The following ABHD17C variants were observed in gnomAD, a reference collection of about 807,000 sequenced individuals.
The protein encoded by ABHD17C is abhydrolase domain containing 17C, depalmitoylase.
ABHD17C carries 11 observed loss-of-function variants against 27.9 expected under a neutral mutation model. That is an observed-to-expected ratio of 0.39 (90% CI 0.25 to 0.65). The LOEUF (loss-of-function observed/expected upper bound fraction) is 0.65. Among genes scored for constraint, ABHD17C ranks in the 30% least tolerant of loss-of-function variants. The pLI is 0.45. For missense variants in ABHD17C, 280 were observed against 470.2 expected, an observed-to-expected ratio of 0.60 and a Z score of 3.74; for synonymous variants, 233 against 209.1, an observed-to-expected ratio of 1.11 and a Z score of -0.98.
intron 1 of ABHD17C, among the ~76,000 whole-genome samples, chr15:80,715,454 C>T (rs532731091): frequency 9.9e-5 from 15 of 152,178 alleles, no homozygotes; most frequent in African/African-American, 3.6e-4. Flanking sequence ...TTCTGTAAAG[C>T]GGGGAAATGA....
intron 1 of ABHD17C, among the ~76,000 whole-genome samples, chr15:80,705,333 T>TTG (rs1555421862): frequency 5.7e-4 from 61 of 106,888 alleles, no homozygotes; most frequent in Middle Eastern, 4.9e-3. Flanking sequence ...TTCCTATGAT[T>TTG]TGTGTGTGTG....
chr15:80,726,501 GTTTTTTTTTTTT>G lies in ABHD17C; in HGVS notation c.591-22995_591-22984del, dbSNP rs10572505. Among the ~76,000 whole-genome samples, 150 of 94,508 alleles carry G rather than the reference GTTTTTTTTTTTT, an allele frequency of 1.6e-3. 1 individual carries two copies. Among genetic ancestry groups the G allele is most frequent in the African/African-American group, 7.6e-3 (143 of 18,724 alleles). 62.0% of individuals were successfully genotyped at this position (94,508 alleles called of 152,430 possible). A position where few individuals can be genotyped will look rare whatever the true frequency, so the allele number is the denominator to read the frequency against. On this transcript the variant is annotated intron_variant, in intron 1 of 2. Coordinates refer to ENST00000258884, the MANE Select transcript of ABHD17C (RefSeq NM_021214.2). ...CCTTGGTTAATTGCTTCTTTTTCTG[GTTTTTTTTTTTT>G]TTTTTTTTTTTTTTTTGAGACGGAG... is the stretch of plus-strand genomic sequence containing the variant.
intron 1 of ABHD17C, among the ~76,000 whole-genome samples, chr15:80,740,716 G>A (rs1895197743): frequency 6.6e-6 from 1 of 152,116 alleles, no homozygotes; most frequent in Non-Finnish European, 1.5e-5. Flanking sequence ...TTCTACATAA[G>A]TCTGAGCTCT....
At chr15:80,726,353 C>T (rs1201010804) in intron 1 of ABHD17C, among the ~76,000 whole-genome samples, 1 of 152,142 alleles carries the variant, frequency 6.6e-6, no homozygotes, top group East Asian at 1.9e-4. Flanking sequence ...CAGTTTATGG[C>T]CAGATTTTGG....
chr15:80,731,330 G>GA (rs1453757446), intron 1 of ABHD17C, among the ~76,000 whole-genome samples: 1 of 152,228 alleles, frequency 6.6e-6, no homozygotes, highest in African/African-American at 2.4e-5. Flanking sequence ...TGTTAGAAGT[G>GA]ATGTTCCTCA....
chr15:80,724,457 C>T (rs550878504), intron 1 of ABHD17C, among the ~76,000 whole-genome samples: 11 of 152,134 alleles, frequency 7.2e-5, no homozygotes, highest in African/African-American at 2.2e-4. Context: ...GACTCAGGGT[C>T]GTCACTGTGG....
chr15:80,734,558 A>G (rs951640347), intron 1 of ABHD17C, among the ~76,000 whole-genome samples: 9 of 152,362 alleles, frequency 5.9e-5, no homozygotes, highest in African/African-American at 1.9e-4. Context: ...TTTTAGGACT[A>G]TAACTTTTCC....
intron 1 of ABHD17C, among the ~76,000 whole-genome samples, chr15:80,706,862 TGTC>T (rs1365844569): frequency 4.6e-5 from 7 of 152,254 alleles, no homozygotes; most frequent in Admixed American, 3.3e-4. Flanking sequence ...TTTTGATTGT[TGTC>T]GTGATGTTTA....
At chr15:80,721,359 T>C (rs1894895488) in intron 1 of ABHD17C, among the ~76,000 whole-genome samples, 1 of 152,002 alleles carries the variant, frequency 6.6e-6, no homozygotes, top group African/African-American at 2.4e-5. Flanking sequence ...CTGTGAAAGA[T>C]ACTTGGGTCT....
chr15:80,725,229 C>A (rs1228369964), intron 1 of ABHD17C, among the ~76,000 whole-genome samples: 1 of 152,138 alleles, frequency 6.6e-6, no homozygotes, highest in Non-Finnish European at 1.5e-5. Context: ...AACACTGAAC[C>A]CATAAATACA....
Position 80,695,900 on chromosome 15 carries a change from C to T in ABHD17C, c.471C>T (p.Ser157=), listed in dbSNP as rs1459431559. The T allele has an allele frequency of 2.5e-6, 4 of 1,597,392 alleles. No homozygotes were observed. The highest frequency in any genetic ancestry group is 1.1e-5 in the South Asian group (1 of 90,828). ...QMCSFYIGLG[S]RINCNIFSYD... is the part of the protein sequence containing the mutation. ...GCAGCTTCTACATTGGCCTCGGCTC[C>T]CGCATCAACTGCAACATCTTCTCCT... is the stretch of plus-strand genomic sequence containing the variant. The change falls in exon 1 of 3, where the codon TCC becomes TCT. Residue 157 remains serine (S), a synonymous_variant. Coordinates refer to ENST00000258884, the MANE Select transcript of ABHD17C (RefSeq NM_021214.2). This position sits in a 1 kb window ranked among gnomAD's most constrained non-coding sequence, Gnocchi z 4.3.
At chr15:80,715,919 G>GA (rs969064560) in intron 1 of ABHD17C, among the ~76,000 whole-genome samples, 39 of 149,864 alleles carry the variant, frequency 2.6e-4, no homozygotes, top group Admixed American at 2.2e-3. Flanking sequence ...TATTTGACCT[G>GA]AAAAAAAAAA....
intron 1 of ABHD17C, among the ~76,000 whole-genome samples, chr15:80,713,576 A>G (rs573665086): frequency 2.3e-4 from 35 of 151,856 alleles, no homozygotes; most frequent in Middle Eastern, 3.4e-3. Flanking sequence ...TTGGGAGGCC[A>G]AGGTGGGTGG....
At chr15:80,735,146 C>T (rs575568042) in intron 1 of ABHD17C, among the ~76,000 whole-genome samples, 1 of 152,308 alleles carries the variant, frequency 6.6e-6, no homozygotes, top group South Asian at 2.1e-4. Flanking sequence ...ACTGGTCTTT[C>T]TTAACATAGA....
chr15:80,698,814 C>A (rs191468596), intron 1 of ABHD17C, among the ~76,000 whole-genome samples: 32 of 152,322 alleles, frequency 2.1e-4, no homozygotes, highest in African/African-American at 7.2e-4. Flanking sequence ...ACTCTGTTTT[C>A]CACCAGCCAT....
intron 1 of ABHD17C, among the ~76,000 whole-genome samples, chr15:80,732,763 C>G (rs561467464): frequency 7.9e-5 from 12 of 152,338 alleles, no homozygotes; most frequent in African/African-American, 2.9e-4. Flanking sequence ...GTTTAACACA[C>G]TTCCATTTTG....
At chr15:80,712,511 C>T (rs1007851527) in intron 1 of ABHD17C, among the ~76,000 whole-genome samples, 1 of 152,288 alleles carries the variant, frequency 6.6e-6, no homozygotes, top group Non-Finnish European at 1.5e-5. Context: ...GTATAGAAGA[C>T]AAAGCTTATT....
rs78174864 is a variant in ABHD17C at position 80,698,731 on chromosome 15, A to C, written c.590+2712A>C. ...CTTATGCTATTCTCTCTTCTTTTAC[A>C]GCTTAATTCATGTCAGTGCCATGGC... On this transcript the variant is annotated intron_variant, in intron 1 of 2. Transcript: ENST00000258884. Among the ~76,000 whole-genome samples, 177 of 152,288 alleles carry C rather than the reference A, an allele frequency of 1.2e-3. 1 individual carries two copies. The East Asian group carries it at 0.032, about 27-fold the overall frequency.
intron 1 of ABHD17C, among the ~76,000 whole-genome samples, chr15:80,735,142 C>G (rs1021477801): frequency 2.0e-5 from 3 of 152,138 alleles, no homozygotes; most frequent in Admixed American, 1.3e-4. Flanking sequence ...AGGGACTGGT[C>G]TTTCTTAACA....
Sources: gnomAD v4.1 joint callset for allele counts (sites outside exome capture counted in the v4.1 genomes callset) on GRCh38, gnomAD v4.1.1 for gene constraint, Gnocchi (gnomAD v3.1) non-coding constraint, MANE v1.5 for transcripts, NCBI Gene and HGNC (gene_info 2026-07-23, HGNC 2026-07-21) for gene names.